BPTF: variants seen among roughly 807,000 people sequenced by gnomAD.
The protein encoded by BPTF is bromodomain PHD finger transcription factor.
Under a neutral mutation model 292.5 loss-of-function variants are expected in BPTF, and 18 were observed. The observed-to-expected ratio is 0.06, with a 90% confidence interval of 0.04 to 0.09. The LOEUF is 0.09. Among genes scored for constraint, BPTF ranks in the 10% least tolerant of loss-of-function variants. The pLI, the probability that BPTF is intolerant of heterozygous loss-of-function variation, is 1.00. For missense variants in BPTF, 2,726 were observed against 3,498.7 expected (o/e 0.78, Z 5.57); for synonymous variants, 1,225 against 1,251.9 (o/e 0.98, Z 0.45).
chr17:67,857,176 G>C (rs1040152381), intron 2 of BPTF, among the ~76,000 whole-genome samples: 1 of 81,516 alleles, frequency 1.2e-5, no homozygotes, highest in African/African-American at 3.8e-5. Flanking sequence ...TTTTTTTTGA[G>C]ACAGAGTCTT....
At chr17:67,855,697 C>T (rs904538597) in intron 2 of BPTF, among the ~76,000 whole-genome samples, 1 of 152,146 alleles carries the variant, frequency 6.6e-6, no homozygotes, top group African/African-American at 2.4e-5. Context: ...ATCTGACATC[C>T]TGTAGATATA....
intron 13 of BPTF, among the ~76,000 whole-genome samples, 154 bp from the exon 14 acceptor site, chr17:67,922,686 C>G (rs376695680): frequency 7.5e-4 from 114 of 152,288 alleles, no homozygotes; most frequent in African/African-American, 2.6e-3. Flanking sequence ...TCTTTGGCTG[C>G]TTTCATGATA....
chr17:67,833,466 C>T (rs2056888719), intron 1 of BPTF, among the ~76,000 whole-genome samples: 2 of 152,088 alleles, frequency 1.3e-5, no homozygotes, highest in African/African-American at 2.4e-5. Flanking sequence ...AATAATGCTG[C>T]TGAGCACATT....
At chr17:67,973,051 A>T (rs919751571) in intron 26 of BPTF, among the ~76,000 whole-genome samples, 25 of 144,256 alleles carry the variant, frequency 1.7e-4, no homozygotes, top group Admixed American at 5.7e-4. Context: ...ATATATATAT[A>T]TTTTATATAT....
At chr17:67,886,566 A>T (rs565037243) in intron 4 of BPTF, among the ~76,000 whole-genome samples, 1 of 151,960 alleles carries the variant, frequency 6.6e-6, no homozygotes, top group South Asian at 2.1e-4. Flanking sequence ...GGGAAGAAAG[A>T]TCCTTTTCAT....
At position 67,924,533 on chromosome 17, in the gene BPTF, T is replaced by G. The variant is rs76697088; in HGVS notation, c.5709-14T>G. The stretch of plus-strand genomic sequence containing the variant: ...AGGCTAGTTTCTGATAAGTTTCTCC[T>G]TTTTTTCCTGCAGAGTGGAGAAAGA... On this transcript the variant is annotated splice_polypyrimidine_tract_variant and intron_variant, in intron 14 of 27. Coordinates refer to ENST00000306378, the MANE Select transcript of BPTF (RefSeq NM_182641.4). 1.2e-6 allele frequency: 2 copies of G among 1,608,146 alleles called. No homozygotes were observed. The highest frequency in any genetic ancestry group is 1.7e-6 in the Non-Finnish European group (2 of 1,177,546).
chr17:67,936,552 G>A (rs969916920), intron 18 of BPTF: 2 of 152,180 alleles, frequency 1.3e-5, no homozygotes, highest in African/African-American at 4.8e-5. Flanking sequence ...TGAATGTGTA[G>A]TTTCCAAACC....
intron 12 of BPTF, among the ~76,000 whole-genome samples, chr17:67,919,268 G>A (rs968194577): frequency 1.3e-5 from 2 of 151,682 alleles, no homozygotes; most frequent in East Asian, 3.9e-4. Context: ...ATGTGTGGTG[G>A]CTCTCACCTG....
At chr17:67,963,710 C>T (rs1364077365) in intron 24 of BPTF, among the ~76,000 whole-genome samples, 1 of 152,144 alleles carries the variant, frequency 6.6e-6, no homozygotes, top group African/African-American at 2.4e-5. Flanking sequence ...GTTTGAGACA[C>T]ATTGGGGAAA....
intron 26 of BPTF, among the ~76,000 whole-genome samples, chr17:67,967,266 C>G (rs1433758080): frequency 6.7e-6 from 1 of 149,660 alleles, no homozygotes; most frequent in Non-Finnish European, 1.5e-5. Flanking sequence ...CTCAGCCTCC[C>G]GAGTAGCTGG....
rs1325268009 is a variant in BPTF, at chr17:67,882,031, C to T, written c.1864+7011C>T. On this transcript the variant is annotated intron_variant, in intron 4 of 27. Transcript: ENST00000306378. ...TGTATTTTTAGTAGAGACAGGATTT[C>T]GCCATGTTGGCCAGGCTGGTCTCGA... is the stretch of plus-strand genomic sequence containing the variant. Among the ~76,000 whole-genome samples, 4 of 148,952 alleles carry T rather than the reference C, an allele frequency of 2.7e-5. 1 individual carries two copies. The highest frequency in any genetic ancestry group is 4.2e-4 in the South Asian group (2 of 4,708).
intron 1 of BPTF, among the ~76,000 whole-genome samples, chr17:67,841,229 G>A (rs1182300504): frequency 1.3e-5 from 2 of 151,870 alleles, no homozygotes; most frequent in South Asian, 2.1e-4. Flanking sequence ...CCAACATGGC[G>A]AAACCCCGTC....
chr17:67,876,369 A>G (rs1308927633), intron 4 of BPTF, among the ~76,000 whole-genome samples: 1 of 152,194 alleles, frequency 6.6e-6, no homozygotes, highest in African/African-American at 2.4e-5. Flanking sequence ...CCATTTGAGT[A>G]CTGGTCAGCA....
intron 1 of BPTF, among the ~76,000 whole-genome samples, chr17:67,843,992 T>C (rs12450363): frequency 0.3 from 45,048 of 148,726 alleles, 8,119 homozygotes; most frequent in East Asian, 0.66. Context: ...CTCAAACTCC[T>C]GACCTCAGGT....
chr17:67,982,479 C>A lies in BPTF; in HGVS notation c.*191C>A. 2.1e-6 allele frequency: 1 copy of A among 470,662 alleles called. No homozygotes were observed. Among genetic ancestry groups the A allele is most frequent in the Non-Finnish European group, 3.9e-6 (1 of 259,266 alleles). The allele number at this position is 470,662 out of a possible 1,614,324, so 29.2% of individuals were successfully genotyped here. On this transcript the variant is annotated 3_prime_UTR_variant, in exon 28 of 28. Transcript: ENST00000306378. Reference sequence around the variant, plus strand: ...CCAACGGACAAGAAAAAAGCAAAGTCAACGACACCATTATCTTGTCAAGAT... The same window carrying A: ...CCAACGGACAAGAAAAAAGCAAAGTAAACGACACCATTATCTTGTCAAGAT...
chr17:67,883,056 C>G (rs2060525720), intron 4 of BPTF, among the ~76,000 whole-genome samples: 1 of 150,938 alleles, frequency 6.6e-6, no homozygotes, highest in African/African-American at 2.4e-5. Context: ...TGGCTCACGC[C>G]TATAATCCCA....
rs564609240 is a variant in BPTF, at chr17:67,931,513, A to C, written c.6151-398A>C. Among the ~76,000 whole-genome samples the C allele has an allele frequency of 5.3e-4, 81 of 152,222 alleles. 1 individual carries two copies. The highest frequency in any genetic ancestry group is 1.5e-3 in the African/African-American group (63 of 41,548). On this transcript the variant is annotated intron_variant, in intron 17 of 27. Coordinates refer to ENST00000306378, the MANE Select transcript of BPTF (RefSeq NM_182641.4). The stretch of plus-strand genomic sequence containing the variant: ...TAAATAAATAAATAATTTTTAAAAA[A>C]CTATGAAAGAACATTTGGTTTCTGA...
chr17:67,914,748 G>T (rs1039546555), intron 11 of BPTF, among the ~76,000 whole-genome samples: 1 of 152,034 alleles, frequency 6.6e-6, no homozygotes, highest in African/African-American at 2.4e-5. Flanking sequence ...AGTGTTGCTC[G>T]GGGCCCTGTT....
intron 7 of BPTF, among the ~76,000 whole-genome samples, chr17:67,897,272 C>T (rs547498592): frequency 4.8e-5 from 6 of 125,564 alleles, no homozygotes; most frequent in African/African-American, 1.2e-4. Flanking sequence ...ACCCGGGAGG[C>T]GGAGGTTGCG....
Sources: allele counts gnomAD v4.1 joint callset (sites outside exome capture counted in the v4.1 genomes callset), GRCh38; gene constraint gnomAD v4.1.1; transcripts MANE v1.5; gene names NCBI Gene and HGNC (gene_info 2026-07-23, HGNC 2026-07-21).